Variants in BET1L observed in about 807,000 individuals in gnomAD.
BET1L encodes Bet1 golgi vesicular membrane trafficking protein like.
In BET1L, 13 loss-of-function variants were observed where a neutral mutation model predicts 12.6. The observed-to-expected ratio is 1.03, with a 90% CI of 0.67 to 1.64. The LOEUF is 1.64. Among genes scored for constraint, BET1L ranks in the 40% most tolerant of loss-of-function variants. The pLI, the probability that BET1L is intolerant of heterozygous loss-of-function variation, is 0.00. For synonymous variants in BET1L, 60 were observed against 56.9 expected (o/e 1.05, Z -0.25); for missense variants, 154 against 150.7 (o/e 1.02, Z -0.11).
At chr11:205,692 G>T (rs751991909) in intron 2 of BET1L, 25 bp from the exon 3 acceptor site, 1 of 1,579,166 alleles carries the variant, frequency 6.3e-7, no homozygotes, top group South Asian at 1.1e-5. Flanking sequence ...GAGAGGGCAG[G>T]GTTGGGCCAG....
rs1360568919 is a variant in BET1L, at chr11:205,067, G to C, written c.*235C>G. On this transcript the variant is annotated 3_prime_UTR_variant, in exon 4 of 4. Coordinates refer to ENST00000382762, the MANE Select transcript of BET1L (RefSeq NM_001098787.2). Reference sequence around the variant, plus strand: ...TGGCTCTCTAGCACCTGGGGGAGGGGGGAGGGGCTGGGCCTTGGTTTCCCC... The same window carrying C: ...TGGCTCTCTAGCACCTGGGGGAGGGCGGAGGGGCTGGGCCTTGGTTTCCCC... 9.3e-6 allele frequency: 5 copies of C among 538,844 alleles called. No individual in the cohort carries two copies. The highest frequency in any genetic ancestry group is 1.6e-5 in the Non-Finnish European group (5 of 308,430). The allele number at this position is 538,844 out of a possible 1,614,324, so 33.4% of individuals were successfully genotyped here.
At position 204,528 on chromosome 11, in the gene BET1L, C is replaced by T. The variant is rs1318322075; in HGVS notation, c.*774G>A. The T allele has an allele frequency of 1.5e-5, 2 of 137,776 alleles. No homozygotes were observed. Among genetic ancestry groups the T allele is most frequent in the African/African-American group, 5.5e-5 (2 of 36,562 alleles). 8.5% of individuals were successfully genotyped at this position (137,776 alleles called of 1,614,324 possible). The stretch of plus-strand genomic sequence containing the variant: ...TCTGAAATGCCAGACAGGCCCATTT[C>T]TAGGTCTGTTCTCCTGAAAATACAT... On this transcript the variant is annotated 3_prime_UTR_variant, in exon 4 of 4. Coordinates refer to ENST00000382762, the MANE Select transcript of BET1L (RefSeq NM_001098787.2).
At position 206,018 on chromosome 11, in the gene BET1L, C is replaced by G; in HGVS notation, c.45G>C (p.Glu15Asp). 1 of 1,614,040 alleles carries G rather than the reference C, an allele frequency of 6.2e-7. No homozygotes were observed. The highest frequency in any genetic ancestry group is 8.5e-7 in the Non-Finnish European group (1 of 1,180,032). Reference protein sequence around the residue: ...ARAQSPGAVEEILDRENKRMA... With the variant: ...ARAQSPGAVEDILDRENKRMA... ...TTCGCTTGTTCTCCCGGTCTAGAATCTCTTCCACAGCGCCCGGGCTCTGAG... is the reference window on the plus strand; with the variant it reads ...TTCGCTTGTTCTCCCGGTCTAGAATGTCTTCCACAGCGCCCGGGCTCTGAG... Residue 15 changes from glutamate to aspartate, a missense_variant, in exon 2 of 4, where the codon GAG becomes GAC. Transcript: ENST00000382762.
rs772010714 is a variant in BET1L, at chr11:203,284, C to G, written c.*2018G>C. ...CCACAAAGGAATTCCAGCTCAGACC[C>G]CAAAGTACCTGGGAGAGCTGCAAAC... On this transcript the variant is annotated 3_prime_UTR_variant, in exon 4 of 4. Transcript: ENST00000382762. 1 of 152,164 alleles carries G rather than the reference C, an allele frequency of 6.6e-6. No individual in the cohort carries two copies. Among genetic ancestry groups the G allele is most frequent in the Non-Finnish European group, 1.5e-5 (1 of 68,040 alleles). The allele number at this position is 152,164 out of a possible 1,614,324, so 9.4% of individuals were successfully genotyped here.
chr11:205,546 C>G (rs1018989893), intron 3 of BET1L, 65 bp downstream of exon 3: 2 of 1,614,190 alleles, frequency 1.2e-6, no homozygotes, highest in African/African-American at 2.7e-5. Flanking sequence ...GAAGGAGACA[C>G]TGCAGGCTCT....
At chr11:206,793 T>G (rs1358575538) in intron 1 of BET1L, among the ~76,000 whole-genome samples, 2 of 152,180 alleles carry the variant, frequency 1.3e-5, no homozygotes, top group East Asian at 3.9e-4. Context: ...CCAGCGTCCT[T>G]CCAGCCACTT....
chr11:206,100 CCT>C (rs1855147412), intron 1 of BET1L, 57 bp from the exon 2 acceptor site: 5 of 1,477,538 alleles, frequency 3.4e-6, no homozygotes, highest in South Asian at 2.3e-5. Flanking sequence ...GCCCCTGACC[CCT>C]CTCACTCCAA....
chr11:204,810 CGGA>C lies in BET1L; in HGVS notation c.*489_*491del, dbSNP rs1855113311. On this transcript the variant is annotated 3_prime_UTR_variant, in exon 4 of 4. Coordinates refer to ENST00000382762, the MANE Select transcript of BET1L (RefSeq NM_001098787.2). ...CATCTCCAGGGTGAGAAGCCTCGGT[CGGA>C]GGAGATGACACCCACTTAGGGTTCA... The C allele has an allele frequency of 5.8e-6, 1 of 172,094 alleles. No homozygotes were observed. 10.7% of individuals were successfully genotyped at this position (172,094 alleles called of 1,614,324 possible). A position where few individuals can be genotyped will look rare whatever the true frequency, so the allele number is the denominator to read the frequency against.
At chr11:207,218 A>T in intron 1 of BET1L, 85 bp downstream of exon 1, 2 of 1,483,092 alleles carry the variant, frequency 1.3e-6, no homozygotes, top group Non-Finnish European at 1.8e-6. Flanking sequence ...CAGCTGGGCC[A>T]GAGGCAGGCG....
chr11:206,733 C>G (rs1217489618), intron 1 of BET1L, among the ~76,000 whole-genome samples: 3 of 152,182 alleles, frequency 2.0e-5, no homozygotes, highest in African/African-American at 4.8e-5. Flanking sequence ...TCTGTCACAT[C>G]AGGTGCGTGA....
chr11:205,092 C>G lies in BET1L; in HGVS notation c.*210G>C. 6 of 643,500 alleles carry G rather than the reference C, an allele frequency of 9.3e-6. No individual in the cohort carries two copies. Among genetic ancestry groups the G allele is most frequent in the Non-Finnish European group, 1.5e-5 (6 of 392,654 alleles). The allele number at this position is 643,500 out of a possible 1,614,324, so 39.9% of individuals were successfully genotyped here. A position where few individuals can be genotyped will look rare whatever the true frequency, so the allele number is the denominator to read the frequency against. ...GGGAGGGGCTGGGCCTTGGTTTCCC[C>G]GAGAGAGTCCCTTTCACACATGGGA... On this transcript the variant is annotated 3_prime_UTR_variant, in exon 4 of 4. Coordinates refer to ENST00000382762, the MANE Select transcript of BET1L (RefSeq NM_001098787.2).
At chr11:207,225 G>A (rs1189454420) in intron 1 of BET1L, 78 bp downstream of exon 1, 4 of 1,491,846 alleles carry the variant, frequency 2.7e-6, no homozygotes, top group Non-Finnish European at 3.6e-6. Context: ...GCCAGAGGCA[G>A]GCGCACGCGG....
chr11:206,619 C>T (rs1855165928), intron 1 of BET1L, among the ~76,000 whole-genome samples: 1 of 152,090 alleles, frequency 6.6e-6, no homozygotes, highest in Non-Finnish European at 1.5e-5. Context: ...CGACCAGGAG[C>T]GGGATCCTTG....
rs185553134 is a variant in BET1L at position 206,984 on chromosome 11, G to A, written c.19+319C>T. ...CTCCTAGGGCCTGGCCTCGGGACCTGTCGAATGCCGACTCCCGCTCACCCC... is the reference window on the plus strand; with the variant it reads ...CTCCTAGGGCCTGGCCTCGGGACCTATCGAATGCCGACTCCCGCTCACCCC... On this transcript the variant is annotated intron_variant, in intron 1 of 3. Coordinates refer to ENST00000382762, the MANE Select transcript of BET1L (RefSeq NM_001098787.2). 1,919 of 427,386 alleles carry A rather than the reference G, an allele frequency of 4.5e-3. 28 individuals carry two copies. Among genetic ancestry groups the A allele is most frequent in the African/African-American group, 0.037 (1,746 of 47,460 alleles). The allele number at this position is 427,386 out of a possible 1,614,324, so 26.5% of individuals were successfully genotyped here.
intron 1 of BET1L, 198 bp downstream of exon 1, chr11:207,105 G>T: frequency 1.5e-6 from 1 of 652,166 alleles, no homozygotes; most frequent in Non-Finnish European, 2.4e-6. Context: ...CGCCACGCGC[G>T]CCTTCGGTCC....
chr11:205,640 C>T lies in BET1L; in HGVS notation c.139G>A (p.Glu47Lys), dbSNP rs954701165. The T allele has an allele frequency of 6.2e-7, 1 of 1,612,490 alleles. No homozygotes were observed. Among genetic ancestry groups the T allele is most frequent in the African/African-American group, 1.3e-5 (1 of 74,924 alleles). ...CCATCCAGGTACCGGTTCTGATCCT[C>T]TGCATCCCTATCGATGTCCAGGGCG... ...SLALDIDRDAEDQNRYLDGMD... is the reference protein window; with the variant it reads ...SLALDIDRDAKDQNRYLDGMD... The change falls in exon 3 of 4, where the codon GAG (glutamate) becomes AAG (lysine). Residue 47 changes from glutamate to lysine, a missense_variant. Physicochemically the swap from Glu to Lys is moderately conservative, Grantham distance 56. Transcript: ENST00000382762.
At position 207,333 on chromosome 11, in the gene BET1L, C is replaced by A; in HGVS notation, c.-12G>T. 1 of 1,548,864 alleles carries A rather than the reference C, an allele frequency of 6.5e-7. No individual in the cohort carries two copies. ...GCCCAGTCCGCCATCGTGCCCTGCCCCGGCTCCTCGACGCGGACACCGACG... is the reference window on the plus strand; with the variant it reads ...GCCCAGTCCGCCATCGTGCCCTGCCACGGCTCCTCGACGCGGACACCGACG... On this transcript the variant is annotated 5_prime_UTR_variant, in exon 1 of 4. Transcript: ENST00000382762.
At position 203,789 on chromosome 11, in the gene BET1L, C is replaced by T. The variant is rs1855089685; in HGVS notation, c.*1513G>A. ...GAGACATGGAGGCAGATGAGTCAACCTTGCTGGGTGAGAAGTGAGCTTGCA... is the reference window on the plus strand; with the variant it reads ...GAGACATGGAGGCAGATGAGTCAACTTTGCTGGGTGAGAAGTGAGCTTGCA... On this transcript the variant is annotated 3_prime_UTR_variant, in exon 4 of 4. Coordinates refer to ENST00000382762, the MANE Select transcript of BET1L (RefSeq NM_001098787.2). 6.5e-6 allele frequency: 1 copy of T among 153,190 alleles called. No individual in the cohort carries two copies. Among genetic ancestry groups the T allele is most frequent in the African/African-American group, 2.4e-5 (1 of 41,464 alleles). 9.5% of individuals were successfully genotyped at this position (153,190 alleles called of 1,614,324 possible).
chr11:205,053 C>A lies in BET1L; in HGVS notation c.*249G>T, dbSNP rs1855116448. ...GCCCCAGCTCTGCCTGGCTCTCTAGCACCTGGGGGAGGGGGGAGGGGCTGG... is the reference window on the plus strand; with the variant it reads ...GCCCCAGCTCTGCCTGGCTCTCTAGAACCTGGGGGAGGGGGGAGGGGCTGG... On this transcript the variant is annotated 3_prime_UTR_variant, in exon 4 of 4. Coordinates refer to ENST00000382762, the MANE Select transcript of BET1L (RefSeq NM_001098787.2). The A allele has an allele frequency of 6.6e-6, 3 of 451,214 alleles. No homozygotes were observed. Among genetic ancestry groups the A allele is most frequent in the African/African-American group, 2.2e-5 (1 of 45,058 alleles). The allele number at this position is 451,214 out of a possible 1,614,324, so 28.0% of individuals were successfully genotyped here. A position where few individuals can be genotyped will look rare whatever the true frequency, so the allele number is the denominator to read the frequency against.
Sources: gnomAD v4.1 joint callset for allele counts (sites outside exome capture counted in the v4.1 genomes callset) on GRCh38, gnomAD v4.1.1 for gene constraint, MANE v1.5 for transcripts, NCBI Gene and HGNC (gene_info 2026-07-23, HGNC 2026-07-21) for gene names.